The following SCG3 variants were observed in gnomAD, a reference collection of about 807,000 sequenced individuals.
SCG3 encodes secretogranin-3.
SCG3 carries 38 observed loss-of-function variants against 56.2 expected under a neutral mutation model. The observed-to-expected ratio is 0.68, with a 90% CI of 0.52 to 0.89. The LOEUF is 0.89. Among genes scored for constraint, SCG3 ranks in the 40% least tolerant of loss-of-function variants. SCG3 has a pLI of 0.00. For synonymous variants in SCG3, 176 were observed against 184.2 expected, an observed-to-expected ratio of 0.96 and a Z score of 0.36; for missense variants, 524 against 540.7, an observed-to-expected ratio of 0.97 and a Z score of 0.31.
At chr15:51,709,687 A>T (rs1322854944) in intron 10 of SCG3, among the ~76,000 whole-genome samples, 6 of 13,944 alleles carry the variant, frequency 4.3e-4, no homozygotes, top group Admixed American at 9.5e-4. Context: ...ATATATATAT[A>T]TATATATATA....
At chr15:51,715,174 G>T (rs966356173) in intron 11 of SCG3, 13 of 152,186 alleles carry the variant, frequency 8.5e-5, no homozygotes, top group African/African-American at 2.9e-4. Context: ...GACCAACCTG[G>T]TGAAGCATAG....
At chr15:51,683,468 G>A (rs769692545) in intron 4 of SCG3, 34 bp downstream of exon 4, 3 of 1,375,152 alleles carry the variant, frequency 2.2e-6, no homozygotes, top group Admixed American at 2.0e-5. Context: ...TTGTTAACGT[G>A]GAGTTTCCTA....
In SCG3 at chr15:51,683,224, A is replaced by T; in HGVS notation, c.187A>T (p.Lys63Ter). 1 of 1,612,716 alleles carries T rather than the reference A, an allele frequency of 6.2e-7. No individual in the cohort carries two copies. Among genetic ancestry groups the T allele is most frequent in the Non-Finnish European group, 8.5e-7 (1 of 1,179,418 alleles). The change falls in exon 4 of 12, where the codon AAG becomes TAG. Residue 63 changes from lysine (K) to a stop codon, truncating the protein, a stop_gained. Transcript: ENST00000220478. LOFTEE classifies it high-confidence loss of function. ...KIKKTYPPEN[K>*]PGQSNYSFVD... The stretch of plus-strand genomic sequence containing the variant: ...GTTTGGGGCTATTCTTCCAGAAAAC[A>T]AGCCAGGTCAGAGCAACTATTCTTT...
intron 11 of SCG3, among the ~76,000 whole-genome samples, chr15:51,714,193 T>C (rs1339869572): frequency 6.6e-6 from 1 of 151,896 alleles, no homozygotes; most frequent in Non-Finnish European, 1.5e-5. Context: ...GCATATAGGG[T>C]TGGGAAGTGG....
chr15:51,711,650 A>G (rs562512355), intron 10 of SCG3, among the ~76,000 whole-genome samples: 126 of 152,338 alleles, frequency 8.3e-4, no homozygotes, highest in African/African-American at 2.9e-3. Flanking sequence ...ATTATTATTT[A>G]TGTATCTGTT....
intron 5 of SCG3, among the ~76,000 whole-genome samples, chr15:51,688,720 G>A (rs2055246568): frequency 6.6e-6 from 1 of 152,142 alleles, no homozygotes; most frequent in Non-Finnish European, 1.5e-5. Flanking sequence ...TAGAGGGATG[G>A]TTAGGATATA....
intron 7 of SCG3, among the ~76,000 whole-genome samples, chr15:51,694,899 C>T (rs1294426770): frequency 1.3e-5 from 2 of 152,008 alleles, no homozygotes; most frequent in Non-Finnish European, 2.9e-5. Context: ...GGCATGGTGG[C>T]GCACGCCTAT....
At chr15:51,704,278 T>TATAA (rs1390526701) in intron 10 of SCG3, among the ~76,000 whole-genome samples, 29 of 131,364 alleles carry the variant, frequency 2.2e-4, no homozygotes, top group Middle Eastern at 3.7e-3. Context: ...TATATATATA[T>TATAA]AAAATAGCTC....
At chr15:51,710,182 GTCTTGT>G (rs1228752717) in intron 10 of SCG3, among the ~76,000 whole-genome samples, 1 of 152,178 alleles carries the variant, frequency 6.6e-6, no homozygotes, top group African/African-American at 2.4e-5. Context: ...CTCTCTGTCA[GTCTTGT>G]TCTAGGCAGA....
chr15:51,691,510 G>A (rs1173409362), intron 6 of SCG3, among the ~76,000 whole-genome samples: 1 of 152,166 alleles, frequency 6.6e-6, no homozygotes, highest in East Asian at 1.9e-4. Flanking sequence ...GCAAATTTGG[G>A]ATAAATTTTG....
In SCG3 at chr15:51,681,584, T is replaced by TC. The variant is rs939789755; in HGVS notation, c.-169dup. 3.1e-5 allele frequency: 19 copies of TC among 617,270 alleles called. No homozygotes were observed. Among genetic ancestry groups the TC allele is most frequent in the Admixed American group, 5.4e-5 (2 of 37,294 alleles). 38.2% of individuals were successfully genotyped at this position (617,270 alleles called of 1,614,324 possible). On this transcript the variant is annotated 5_prime_UTR_variant, in exon 1 of 12. Transcript: ENST00000220478. ...CTCCCGCGCGCCCCAACCCTGCTTA[T>TC]CCCTTGACCGTCGAGTGTCAGAGAT... is the stretch of plus-strand genomic sequence containing the variant.
At chr15:51,686,186 C>G (rs1256604241) in intron 4 of SCG3, among the ~76,000 whole-genome samples, 1 of 152,098 alleles carries the variant, frequency 6.6e-6, no homozygotes, top group Non-Finnish European at 1.5e-5. Flanking sequence ...GGTGAAATAC[C>G]CCTTCATGAG....
chr15:51,688,604 C>T (rs566509008), intron 5 of SCG3, among the ~76,000 whole-genome samples: 7 of 152,130 alleles, frequency 4.6e-5, no homozygotes, highest in African/African-American at 1.7e-4. Flanking sequence ...CAAGTAGACA[C>T]ACGCCCAAAA....
chr15:51,699,184 A>G, intron 8 of SCG3, 135 bp from the exon 9 acceptor site: 1 of 667,296 alleles, frequency 1.5e-6, no homozygotes, highest in Non-Finnish European at 2.6e-6. Context: ...AATCCAGGTC[A>G]AAACATCTTA....
At chr15:51,699,489 A>C in intron 9 of SCG3, 87 bp downstream of exon 9, 1 of 913,620 alleles carries the variant, frequency 1.1e-6, no homozygotes, top group South Asian at 1.6e-5. Context: ...ATTAATTTAA[A>C]AATTACAGAT....
intron 10 of SCG3, among the ~76,000 whole-genome samples, chr15:51,708,533 A>C (rs1349843862): frequency 6.6e-6 from 1 of 152,188 alleles, no homozygotes; most frequent in African/African-American, 2.4e-5. Flanking sequence ...AGTTTTCGCT[A>C]AGTGATTTTA....
intron 10 of SCG3, among the ~76,000 whole-genome samples, chr15:51,712,635 G>A (rs974714189): frequency 2.0e-5 from 3 of 152,112 alleles, no homozygotes; most frequent in African/African-American, 4.8e-5. Context: ...GGTAATATCC[G>A]CTTGCAGACA....
At chr15:51,693,277 A>G (rs574190912) in intron 7 of SCG3, 59 of 152,368 alleles carry the variant, frequency 3.9e-4, no homozygotes, top group African/African-American at 1.4e-3. Context: ...GAAACAGTGT[A>G]TGAAACCTAA....
intron 10 of SCG3, among the ~76,000 whole-genome samples, chr15:51,708,888 G>C (rs2055393392): frequency 6.6e-6 from 1 of 151,904 alleles, no homozygotes; most frequent in African/African-American, 2.4e-5. Flanking sequence ...TGCCTTGTCA[G>C]CCAGTTTACC....
Sources: allele counts gnomAD v4.1 joint callset (sites outside exome capture counted in the v4.1 genomes callset), GRCh38; gene constraint gnomAD v4.1.1; transcripts MANE v1.5; gene names NCBI Gene and HGNC (gene_info 2026-07-23, HGNC 2026-07-21).